POLL: variants seen among roughly 807,000 people sequenced by gnomAD.
POLL encodes DNA polymerase lambda.
POLL carries 44 observed loss-of-function variants against 58.1 expected under a neutral mutation model. The observed-to-expected ratio is 0.76, with a 90% CI of 0.60 to 0.97. The LOEUF is 0.97. Ranked by LOEUF, POLL falls within the 50% of genes least tolerant of loss-of-function variation. POLL has a pLI of 0.00. For synonymous variants in POLL, 290 were observed against 283.2 expected (o/e 1.02, Z -0.24); for missense variants, 632 against 736.8 (o/e 0.86, Z 1.65).
chr10:101,585,691 C>G (rs1429882306), intron 3 of POLL, among the ~76,000 whole-genome samples, 171 bp downstream of exon 3: 1 of 152,162 alleles, frequency 6.6e-6, no homozygotes, highest in Non-Finnish European at 1.5e-5. Context: ...CAGCCTTAAC[C>G]TCCCTGGCTC....
Position 101,588,125 on chromosome 10 carries a change from C to T in POLL, c.-350G>A, listed in dbSNP as rs1273224168. On this transcript the variant is annotated 5_prime_UTR_variant, in exon 1 of 9. Transcript: ENST00000370162. ...ACCCCGGCCCCAAGAGTCTCTCCAA[C>T]CCCCAGAGTCGGTCCCCGGGTGGGG... 1 of 1,513,634 alleles carries T rather than the reference C, an allele frequency of 6.6e-7. No individual in the cohort carries two copies. The highest frequency in any genetic ancestry group is 8.8e-7 in the Non-Finnish European group (1 of 1,132,744). The allele number at this position is 1,513,634 out of a possible 1,614,324, so 93.8% of individuals were successfully genotyped here.
Position 101,585,440 on chromosome 10 carries a change from T to C in POLL, c.449A>G (p.Asp150Gly), listed in dbSNP as rs1341763542. 2 of 1,594,110 alleles carry C rather than the reference T, an allele frequency of 1.3e-6. No homozygotes were observed. The highest frequency in any genetic ancestry group is 1.7e-6 in the Non-Finnish European group (2 of 1,171,042). Residue 150 changes from aspartate (D) to glycine (G), a missense_variant, in exon 4 of 9, where the codon GAT becomes GGT. Coordinates refer to ENST00000370162, the MANE Select transcript of POLL (RefSeq NM_001174084.2). Reference sequence around the variant, plus strand: ...ATGGGTGCCAGGAGGAATAGAAGCATCCTGCTCTGCCTTGCTGGGCTGTGG... The same window carrying C: ...ATGGGTGCCAGGAGGAATAGAAGCACCCTGCTCTGCCTTGCTGGGCTGTGG... ...DHPQPSKAEQ[D>G]ASIPPGTHEA...
chr10:101,581,713 C>T (rs2062998522), intron 7 of POLL: 1 of 152,230 alleles, frequency 6.6e-6, no homozygotes. Context: ...CTAAACCAAA[C>T]CCAAATCTTA....
Position 101,582,877 on chromosome 10 carries a change from C to G in POLL, c.1080G>C (p.Leu360=). The change falls in exon 7 of 9, where the codon CTG becomes CTC. Residue 360 remains leucine, a synonymous_variant. Coordinates refer to ENST00000370162, the MANE Select transcript of POLL (RefSeq NM_001174084.2). ...QMWYQQGFRS[L]EDIRSQASLT... ...GGGAGGCCTGGCTGCGGATGTCTTCCAGACTTCGGAAGCCCTGGAAAAAAG... is the reference window on the plus strand; with the variant it reads ...GGGAGGCCTGGCTGCGGATGTCTTCGAGACTTCGGAAGCCCTGGAAAAAAG... 2 of 1,614,192 alleles carry G rather than the reference C, an allele frequency of 1.2e-6. No homozygotes were observed. The highest frequency in any genetic ancestry group is 2.2e-5 in the South Asian group (2 of 91,084).
At chr10:101,587,470 C>G in intron 1 of POLL, 64 bp from the exon 2 acceptor site, 1 of 1,535,606 alleles carries the variant, frequency 6.5e-7, no homozygotes, top group Non-Finnish European at 8.8e-7. Context: ...AGGGTCTTTC[C>G]TGACCAGGCT....
At chr10:101,586,493 C>G (rs1210991971) in intron 2 of POLL, among the ~76,000 whole-genome samples, 3 of 152,022 alleles carry the variant, frequency 2.0e-5, no homozygotes, top group Non-Finnish European at 2.9e-5. Context: ...GTTTTGTTTT[C>G]TTTTGTTTTG....
chr10:101,580,516 T>C lies in POLL; in HGVS notation c.1195-100A>G. 1 of 1,044,936 alleles carries C rather than the reference T, an allele frequency of 9.6e-7. No homozygotes were observed. Among genetic ancestry groups the C allele is most frequent in the Non-Finnish European group, 1.4e-6 (1 of 709,838 alleles). The allele number at this position is 1,044,936 out of a possible 1,614,324, so 64.7% of individuals were successfully genotyped here. ...CCAGACTCGGGCCCACACCCTCAGCTTATGCCCATTCCAGATGCCTGCTGC... is the reference window on the plus strand; with the variant it reads ...CCAGACTCGGGCCCACACCCTCAGCCTATGCCCATTCCAGATGCCTGCTGC... On this transcript the variant is annotated intron_variant, in intron 7 of 8. Transcript: ENST00000370162. The surrounding 1 kb of genome is among the most constrained non-coding windows in gnomAD (Gnocchi z 4.1).
At chr10:101,582,996 G>T (rs2063089393) in intron 6 of POLL, 105 bp from the exon 7 acceptor site, 2 of 1,441,594 alleles carry the variant, frequency 1.4e-6, no homozygotes, top group Non-Finnish European at 1.9e-6. Context: ...TCTAGGGAAG[G>T]CTAGAGGCAG....
At chr10:101,581,098 C>T (rs1007858974) in intron 7 of POLL, 1 of 152,294 alleles carries the variant, frequency 6.6e-6, no homozygotes, top group African/African-American at 2.4e-5. Flanking sequence ...TTAGCCTCCA[C>T]CCCTGAGACA....
chr10:101,586,273 C>A, intron 2 of POLL, 117 bp from the exon 3 acceptor site: 1 of 890,268 alleles, frequency 1.1e-6, no homozygotes, highest in East Asian at 2.6e-5. Flanking sequence ...GTCCCCTACC[C>A]TGAAAATAAG....
intron 2 of POLL, 112 bp from the exon 3 acceptor site, chr10:101,586,268 C>T (rs2063329370): frequency 2.1e-6 from 2 of 930,458 alleles, no homozygotes; most frequent in Middle Eastern, 3.5e-4. Flanking sequence ...TCACAGTCCC[C>T]TACCCTGAAA....
In POLL at chr10:101,579,266, T is replaced by C; in HGVS notation, c.*187A>G. On this transcript the variant is annotated 3_prime_UTR_variant, in exon 9 of 9. Coordinates refer to ENST00000370162, the MANE Select transcript of POLL (RefSeq NM_001174084.2). The surrounding 1 kb of genome is among the most constrained non-coding windows in gnomAD (Gnocchi z 4.4). The stretch of plus-strand genomic sequence containing the variant: ...GTCTGGGAGAGGGCTGGGCAGACAC[T>C]GGGAGCCGGGCAGACACTGGGAGCC... The C allele has an allele frequency of 1.5e-6, 1 of 648,690 alleles. No individual in the cohort carries two copies. Among genetic ancestry groups the C allele is most frequent in the Non-Finnish European group, 2.6e-6 (1 of 383,822 alleles). The allele number at this position is 648,690 out of a possible 1,614,324, so 40.2% of individuals were successfully genotyped here.
chr10:101,585,913 T>C lies in POLL; in HGVS notation c.359A>G (p.Gln120Arg), dbSNP rs751822184. 9.9e-6 allele frequency: 16 copies of C among 1,609,856 alleles called. No individual in the cohort carries two copies. The Admixed American group carries it at 1.0e-4, about 10-fold the overall frequency. Residue 120 changes from glutamine (Q) to arginine (R), a missense_variant, in exon 3 of 9, where the codon CAG becomes CGG. Physicochemically the swap from Gln to Arg is conservative, Grantham distance 43 (BLOSUM62 1). Transcript: ENST00000370162. ...AGCTACATCCACCAGCCTCCTCTCC[T>C]GAAGGCACAAGCTCAGCCAGGCTGA... Reference protein sequence around the residue: ...VKSAWLSLCLQERRLVDVAGF... With the variant: ...VKSAWLSLCLRERRLVDVAGF...
rs1432314334 is a variant in POLL at position 101,585,872 on chromosome 10, T to TG, written c.399dup (p.Ile134HisfsTer4). The TG allele has an allele frequency of 3.2e-6, 5 of 1,575,788 alleles. No homozygotes were observed. In the Admixed American group the frequency reaches 8.7e-5, roughly 28 times the overall value. On this transcript the variant is annotated frameshift_variant, in exon 3 of 9. Transcript: ENST00000370162. LOFTEE classifies it high-confidence loss of function. ...CTGGGATCAGCCCACCTACTGGGGA[T>TG]GAAGATGCTGAATCCAGCTACATCC...
intron 6 of POLL, 175 bp from the exon 7 acceptor site, chr10:101,583,066 G>A (rs1353352813): frequency 8.5e-6 from 6 of 704,774 alleles, no homozygotes; most frequent in African/African-American, 5.3e-5. Context: ...CAGGGAGCAT[G>A]GGAAACATGC....
rs368773624 is a variant in POLL, at chr10:101,583,583, C to T, written c.990G>A (p.Glu330=). 1.9e-6 allele frequency: 3 copies of T among 1,614,128 alleles called. No individual in the cohort carries two copies. The highest frequency in any genetic ancestry group is 1.7e-5 in the Admixed American group (1 of 60,016). ...GHLRKLDHIS[E]SVPVLELFSN... Reference sequence around the variant, plus strand: ...AGAAGAGCTCCAAGACAGGCACGCTCTCACTGATATGGTCCAGCTTCCGCA... The same window carrying T: ...AGAAGAGCTCCAAGACAGGCACGCTTTCACTGATATGGTCCAGCTTCCGCA... Residue 330 remains glutamate, a synonymous_variant, in exon 6 of 9, where the codon GAG becomes GAA. Coordinates refer to ENST00000370162, the MANE Select transcript of POLL (RefSeq NM_001174084.2).
At position 101,584,771 on chromosome 10, in the gene POLL, C is replaced by A. The variant is rs1249017646; in HGVS notation, c.722G>T (p.Cys241Phe). ...PAPAVLDKWVCAQPSSQKATN... is the reference protein window; with the variant it reads ...PAPAVLDKWVFAQPSSQKATN... ...CGCCTTCTGGCTTGAGGGCTGTGCA[C>A]AGACCCACTTATCCAGGACAGCAGG... Residue 241 changes from cysteine (C) to phenylalanine (F), a missense_variant, in exon 5 of 9, where the codon TGT (cysteine) becomes TTT (phenylalanine). Transcript: ENST00000370162. 1 of 1,613,028 alleles carries A rather than the reference C, an allele frequency of 6.2e-7. No homozygotes were observed. The highest frequency in any genetic ancestry group is 8.5e-7 in the Non-Finnish European group (1 of 1,179,546).
chr10:101,579,131 A>G lies in POLL; in HGVS notation c.*322T>C. The G allele has an allele frequency of 2.9e-6, 1 of 345,078 alleles. No homozygotes were observed. The highest frequency in any genetic ancestry group is 4.5e-5 in the Admixed American group (1 of 22,114). The allele number at this position is 345,078 out of a possible 1,614,324, so 21.4% of individuals were successfully genotyped here. On this transcript the variant is annotated 3_prime_UTR_variant, in exon 9 of 9. Transcript: ENST00000370162. This position sits in a 1 kb window ranked among gnomAD's most constrained non-coding sequence, Gnocchi z 4.4. ...CTTTCCCATAGCAGGGAAGGGGGAT[A>G]CCTGGGGCTTCAAACCAGCCACCTG...
In POLL at chr10:101,587,932, T is replaced by G; in HGVS notation, c.-157A>C. The G allele has an allele frequency of 1.6e-6, 2 of 1,231,892 alleles. No homozygotes were observed. The highest frequency in any genetic ancestry group is 2.1e-6 in the Non-Finnish European group (2 of 960,766). 76.3% of individuals were successfully genotyped at this position (1,231,892 alleles called of 1,614,324 possible). A position where few individuals can be genotyped will look rare whatever the true frequency, so the allele number is the denominator to read the frequency against. ...ACATGGGGGTGCTCAGCGCCGCAGC[T>G]GCGGGGAGATGGGGCACGGCCGCAG... is the stretch of plus-strand genomic sequence containing the variant. On this transcript the variant is annotated 5_prime_UTR_variant, in exon 1 of 9. Coordinates refer to ENST00000370162, the MANE Select transcript of POLL (RefSeq NM_001174084.2).
Sources: gnomAD v4.1 joint callset for allele counts (sites outside exome capture counted in the v4.1 genomes callset) on GRCh38, gnomAD v4.1.1 for gene constraint, Gnocchi (gnomAD v3.1) non-coding constraint, MANE v1.5 for transcripts, NCBI Gene and HGNC (gene_info 2026-07-23, HGNC 2026-07-21) for gene names.